Variants in HAND1 observed in about 807,000 individuals in gnomAD.
The protein encoded by HAND1 is heart- and neural crest derivatives-expressed protein 1.
Under a neutral mutation model 14.5 loss-of-function variants are expected in HAND1, and 10 were observed. The ratio of observed to expected loss-of-function variants is 0.69; its 90% CI spans 0.42 to 1.17. The LOEUF (loss-of-function observed/expected upper bound fraction) is 1.17. Among genes scored for constraint, HAND1 ranks in the 50% most tolerant of loss-of-function variants. The pLI is 0.00. For synonymous variants in HAND1, 128 were observed against 127.1 expected (o/e 1.01, Z -0.05); for missense variants, 299 against 298.4 (o/e 1.00, Z -0.01).
At position 154,477,809 on chromosome 5, in the gene HAND1, G is replaced by A. The variant is rs780916501; in HGVS notation, c.200C>T (p.Ala67Val). The A allele has an allele frequency of 6.3e-7, 1 of 1,588,960 alleles. No homozygotes were observed. Among genetic ancestry groups the A allele is most frequent in the South Asian group, 1.1e-5 (1 of 90,368 alleles). The change falls in exon 1 of 2, where the codon GCA becomes GTA. Residue 67 changes from alanine to valine, a missense_variant. Physicochemically the swap from Ala to Val is moderately conservative, Grantham distance 64. Transcript: ENST00000231121. ...GTCAGGACCATAGGCGGTGGCGGCT[G>A]CAGCGGCCGCGGGCGGCGGCCCGCC... ...PAGGPPPAAAAAATAYGPDAR... is the reference protein window; with the variant it reads ...PAGGPPPAAAVAATAYGPDAR...
Position 154,477,623 on chromosome 5 carries a change from T to C in HAND1, c.386A>G (p.Lys129Arg). ...ECIPNVPADTKLSKIKTLRLA... is the reference protein window; with the variant it reads ...ECIPNVPADTRLSKIKTLRLA... Reference sequence around the variant, plus strand: ...GCGCAGAGTCTTGATCTTGGAGAGCTTGGTGTCGGCCGGCACGTTGGGGAT... The same window carrying C: ...GCGCAGAGTCTTGATCTTGGAGAGCCTGGTGTCGGCCGGCACGTTGGGGAT... Residue 129 changes from lysine to arginine, a missense_variant, in exon 1 of 2, where the codon AAG becomes AGG. Transcript: ENST00000231121. 6 of 1,614,204 alleles carry C rather than the reference T, an allele frequency of 3.7e-6. No homozygotes were observed. The highest frequency in any genetic ancestry group is 1.3e-5 in the African/African-American group (1 of 75,052).
rs1259675173 is a variant in HAND1, at chr5:154,478,031, G to T, written c.-23C>A. The T allele has an allele frequency of 2.5e-6, 4 of 1,596,630 alleles. No homozygotes were observed. The highest frequency in any genetic ancestry group is 1.1e-5 in the South Asian group (1 of 91,014). ...CATGTTGGAGCGGCTACTGGCCTGC[G>T]CCGCCAGCCCTATTAACGCCGCTCC... is the stretch of plus-strand genomic sequence containing the variant. On this transcript the variant is annotated 5_prime_UTR_variant, in exon 1 of 2. Transcript: ENST00000231121. This position sits in a 1 kb window ranked among gnomAD's most constrained non-coding sequence, Gnocchi z 4.5.
rs771928311 is a variant in HAND1 at position 154,477,649 on chromosome 5, G to A, written c.360C>T (p.Cys120=). Residue 120 remains cysteine (C), a synonymous_variant, in exon 1 of 2, where the codon TGC becomes TGT. Transcript: ENST00000231121. ...INSAFAELRE[C]IPNVPADTKL... ...TGGTGTCGGCCGGCACGTTGGGGAT[G>A]CACTCGCGCAACTCCGCGAATGCGC... 3.7e-6 allele frequency: 6 copies of A among 1,614,120 alleles called. No homozygotes were observed. In the East Asian group the frequency reaches 1.3e-4, roughly 36 times the overall value.
chr5:154,476,673 C>T (rs1006144820), intron 1 of HAND1, among the ~76,000 whole-genome samples: 3 of 152,142 alleles, frequency 2.0e-5, no homozygotes, highest in African/African-American at 2.4e-5. Flanking sequence ...GGCTCCACTC[C>T]GCTACGGCCT....
At position 154,478,176 on chromosome 5, in the gene HAND1, G is replaced by A; in HGVS notation, c.-168C>T. ...CGCGCAGCCCACTGTCTTCTTACCG[G>A]TTTCTGCCGCGGGCGAGGTCGCCGA... On this transcript the variant is annotated 5_prime_UTR_variant, in exon 1 of 2. Coordinates refer to ENST00000231121, the MANE Select transcript of HAND1 (RefSeq NM_004821.3). This position sits in a 1 kb window ranked among gnomAD's most constrained non-coding sequence, Gnocchi z 4.5. 4.1e-6 allele frequency: 3 copies of A among 735,768 alleles called. No individual in the cohort carries two copies. The highest frequency in any genetic ancestry group is 6.7e-6 in the Non-Finnish European group (3 of 450,970). The allele number at this position is 735,768 out of a possible 1,614,324, so 45.6% of individuals were successfully genotyped here.
In HAND1 at chr5:154,477,831, C is replaced by T; in HGVS notation, c.178G>A (p.Gly60Arg). The part of the protein sequence containing the change: ...ADAAPDFPAG[G>R]PPPAAAAAAT... ...GCTGCAGCGGCCGCGGGCGGCGGCC[C>T]GCCCGCAGGGAAGTCCGGGGCAGCG... is the stretch of plus-strand genomic sequence containing the variant. Residue 60 changes from glycine to arginine, a missense_variant, in exon 1 of 2, where the codon GGG becomes AGG. By Grantham distance (125) the Gly-to-Arg change is moderately radical. Coordinates refer to ENST00000231121, the MANE Select transcript of HAND1 (RefSeq NM_004821.3). 1 of 1,598,250 alleles carries T rather than the reference C, an allele frequency of 6.3e-7. No individual in the cohort carries two copies. Among genetic ancestry groups the T allele is most frequent in the Non-Finnish European group, 8.5e-7 (1 of 1,177,646 alleles).
chr5:154,477,637 C>A lies in HAND1; in HGVS notation c.372G>T (p.Val124=). The A allele has an allele frequency of 3.7e-6, 6 of 1,614,258 alleles. No homozygotes were observed. Among genetic ancestry groups the A allele is most frequent in the Non-Finnish European group, 5.1e-6 (6 of 1,180,042 alleles). The stretch of plus-strand genomic sequence containing the variant: ...TCTTGGAGAGCTTGGTGTCGGCCGG[C>A]ACGTTGGGGATGCACTCGCGCAACT... The part of the protein sequence containing the change: ...FAELRECIPN[V]PADTKLSKIK... The change falls in exon 1 of 2, where the codon GTG becomes GTT. Residue 124 remains valine (V), a synonymous_variant. Transcript: ENST00000231121.
At chr5:154,476,226 T>C (rs1284649789) in intron 1 of HAND1, among the ~76,000 whole-genome samples, 1 of 152,040 alleles carries the variant, frequency 6.6e-6, no homozygotes, top group Non-Finnish European at 1.5e-5. Flanking sequence ...TCCCAGGATA[T>C]TGGAAGGGAG....
chr5:154,478,159 C>T lies in HAND1; in HGVS notation c.-151G>A, dbSNP rs1757580433. 1 of 803,082 alleles carries T rather than the reference C, an allele frequency of 1.2e-6. No individual in the cohort carries two copies. The highest frequency in any genetic ancestry group is 1.7e-5 in the African/African-American group (1 of 58,658). 49.7% of individuals were successfully genotyped at this position (803,082 alleles called of 1,614,324 possible). A position where few individuals can be genotyped will look rare whatever the true frequency, so the allele number is the denominator to read the frequency against. Reference sequence around the variant, plus strand: ...CAAGGCTGAAAATGAGACGCGCAGCCCACTGTCTTCTTACCGGTTTCTGCC... The same window carrying T: ...CAAGGCTGAAAATGAGACGCGCAGCTCACTGTCTTCTTACCGGTTTCTGCC... On this transcript the variant is annotated 5_prime_UTR_variant, in exon 1 of 2. Transcript: ENST00000231121. The surrounding 1 kb of genome is among the most constrained non-coding windows in gnomAD (Gnocchi z 4.5).
Position 154,475,908 on chromosome 5 carries a change from C to T in HAND1, c.546G>A (p.Gln182=). ...GRESKRKREL[Q]QHEGFPPALG... ...GGGCAGGAGGAAAACCTTCGTGCTG[C>T]TGCTGCCAAAGGACACACAGAAGAA... is the stretch of plus-strand genomic sequence containing the variant. Residue 182 remains glutamine (Q), a splice_region_variant and synonymous_variant, in exon 2 of 2, where the codon CAG becomes CAA. Transcript: ENST00000231121. 1 of 1,612,642 alleles carries T rather than the reference C, an allele frequency of 6.2e-7. No individual in the cohort carries two copies.
At chr5:154,476,069 G>A (rs1172991875) in intron 1 of HAND1, among the ~76,000 whole-genome samples, 159 bp from the exon 2 acceptor site, 1 of 152,170 alleles carries the variant, frequency 6.6e-6, no homozygotes, top group Admixed American at 6.5e-5. Context: ...TGCGAAATAG[G>A]CAAACAGGCT....
At position 154,475,594 on chromosome 5, in the gene HAND1, T is replaced by C. The variant is rs1757527975; in HGVS notation, c.*212A>G. 3 of 588,854 alleles carry C rather than the reference T, an allele frequency of 5.1e-6. No homozygotes were observed. The highest frequency in any genetic ancestry group is 9.1e-6 in the Non-Finnish European group (3 of 328,894). The allele number at this position is 588,854 out of a possible 1,614,324, so 36.5% of individuals were successfully genotyped here. ...GGGTGGATATATATATATTTCTCTT[T>C]CTCTTAATGTATTAAAAAAAATCAA... On this transcript the variant is annotated 3_prime_UTR_variant, in exon 2 of 2. Coordinates refer to ENST00000231121, the MANE Select transcript of HAND1 (RefSeq NM_004821.3).
chr5:154,477,526 G>A lies in HAND1; in HGVS notation c.483C>T (p.Ala161=). ...AKDAQSGDPE[A]FKAELKKADG... is the part of the protein sequence containing the mutation. The stretch of plus-strand genomic sequence containing the variant: ...CCGCCTTCTTGAGTTCAGCCTTGAA[G>A]GCCTCGGGATCGCCAGACTGTGCAT... The change falls in exon 1 of 2, where the codon GCC becomes GCT. Residue 161 remains alanine, a synonymous_variant. Coordinates refer to ENST00000231121, the MANE Select transcript of HAND1 (RefSeq NM_004821.3). 6.2e-7 allele frequency: 1 copy of A among 1,614,216 alleles called. No individual in the cohort carries two copies. Among genetic ancestry groups the A allele is most frequent in the Non-Finnish European group, 8.5e-7 (1 of 1,180,042 alleles).
chr5:154,475,778 T>A lies in HAND1; in HGVS notation c.*28A>T. On this transcript the variant is annotated 3_prime_UTR_variant, in exon 2 of 2. Coordinates refer to ENST00000231121, the MANE Select transcript of HAND1 (RefSeq NM_004821.3). ...CCCGGGGCTTCAGGAGTGGCTGGCC[T>A]GGCCAGGTCCTCGGCGCGGGCCTCG... is the stretch of plus-strand genomic sequence containing the variant. The A allele has an allele frequency of 6.5e-7, 1 of 1,533,064 alleles. No individual in the cohort carries two copies. Among genetic ancestry groups the A allele is most frequent in the South Asian group, 1.1e-5 (1 of 89,494 alleles). 95.0% of individuals were successfully genotyped at this position (1,533,064 alleles called of 1,614,324 possible).
rs753450334 is a variant in HAND1, at chr5:154,477,921, C to T, written c.88G>A (p.Gly30Ser). Residue 30 changes from glycine (G) to serine (S), a missense_variant, in exon 1 of 2, where the codon GGT (glycine) becomes AGT (serine). By Grantham distance (56) the Gly-to-Ser change is moderately conservative. Transcript: ENST00000231121. ...TCCTGATGACAGCGCGAGGCCGGACCGAAGAGGAAGGGTTCGTGGAGCATG... is the reference window on the plus strand; with the variant it reads ...TCCTGATGACAGCGCGAGGCCGGACTGAAGAGGAAGGGTTCGTGGAGCATG... Reference protein sequence around the residue: ...HPMLHEPFLFGPASRCHQERP... With the variant: ...HPMLHEPFLFSPASRCHQERP... 2.7e-5 allele frequency: 43 copies of T among 1,599,108 alleles called. No individual in the cohort carries two copies. In the East Asian group the frequency reaches 6.0e-4, roughly 22 times the overall value.
Position 154,477,633 on chromosome 5 carries a change from CCGGCA to C in HAND1, c.371_375del (p.Val124GlyfsTer40). The C allele has an allele frequency of 6.2e-7, 1 of 1,614,248 alleles. No individual in the cohort carries two copies. The highest frequency in any genetic ancestry group is 8.5e-7 in the Non-Finnish European group (1 of 1,180,040). ...TTGATCTTGGAGAGCTTGGTGTCGG[CCGGCA>C]CGTTGGGGATGCACTCGCGCAACTC... On this transcript the variant is annotated frameshift_variant, in exon 1 of 2. Coordinates refer to ENST00000231121, the MANE Select transcript of HAND1 (RefSeq NM_004821.3). LOFTEE classifies it high-confidence loss of function.
rs1757564062 is a variant in HAND1 at position 154,477,528 on chromosome 5, C to A, written c.481G>T (p.Ala161Ser). Residue 161 changes from alanine to serine, a missense_variant, in exon 1 of 2, where the codon GCC (alanine) becomes TCC (serine). Ala to Ser is a moderately conservative substitution (Grantham distance 99). Transcript: ENST00000231121. ...GCCTTCTTGAGTTCAGCCTTGAAGGCCTCGGGATCGCCAGACTGTGCATCC... is the reference window on the plus strand; with the variant it reads ...GCCTTCTTGAGTTCAGCCTTGAAGGACTCGGGATCGCCAGACTGTGCATCC... ...AKDAQSGDPE[A>S]FKAELKKADG... is the part of the protein sequence containing the mutation. The A allele has an allele frequency of 6.2e-7, 1 of 1,614,094 alleles. No homozygotes were observed.
At chr5:154,476,332 TG>T (rs1357243148) in intron 1 of HAND1, among the ~76,000 whole-genome samples, 1 of 152,112 alleles carries the variant, frequency 6.6e-6, no homozygotes, top group Admixed American at 6.5e-5. Context: ...GATGCAGGCT[TG>T]GGGCCCCCTA....
At position 154,477,590 on chromosome 5, in the gene HAND1, G is replaced by T. The variant is rs1378346540; in HGVS notation, c.419C>A (p.Thr140Asn). The T allele has an allele frequency of 6.2e-7, 1 of 1,614,268 alleles. No homozygotes were observed. Among genetic ancestry groups the T allele is most frequent in the Non-Finnish European group, 8.5e-7 (1 of 1,180,044 alleles). Reference protein sequence around the residue: ...LSKIKTLRLATSYIAYLMDVL... With the variant: ...LSKIKTLRLANSYIAYLMDVL... Reference sequence around the variant, plus strand: ...GTCCATCAGGTAGGCGATGTAGCTGGTGGCTAGGCGCAGAGTCTTGATCTT... The same window carrying T: ...GTCCATCAGGTAGGCGATGTAGCTGTTGGCTAGGCGCAGAGTCTTGATCTT... Residue 140 changes from threonine (T) to asparagine (N), a missense_variant, in exon 1 of 2, where the codon ACC becomes AAC. Physicochemically the swap from Thr to Asn is moderately conservative, Grantham distance 65. Coordinates refer to ENST00000231121, the MANE Select transcript of HAND1 (RefSeq NM_004821.3).
Sources: gnomAD v4.1 joint callset for allele counts (sites outside exome capture counted in the v4.1 genomes callset) on GRCh38, gnomAD v4.1.1 for gene constraint, Gnocchi (gnomAD v3.1) non-coding constraint, MANE v1.5 for transcripts, NCBI Gene and HGNC (gene_info 2026-07-23, HGNC 2026-07-21) for gene names.